PLSCR4: variants seen among roughly 807,000 people sequenced by gnomAD.
PLSCR4 encodes Ca(2+)-dependent phospholipid scramblase 4.
PLSCR4 carries 25 observed loss-of-function variants against 36.3 expected under a neutral mutation model. That is an observed-to-expected ratio of 0.69 (90% CI 0.50 to 0.96). PLSCR4 has a LOEUF of 0.96. PLSCR4 is among the 40% of genes least tolerant of loss of function. The probability of loss-of-function intolerance (pLI) is 0.00; values close to 1 mark genes in which losing one functional copy is unlikely to be tolerated. For synonymous variants in PLSCR4, 122 were observed against 132.9 expected (o/e 0.92, Z 0.56); for missense variants, 408 against 414.7 (o/e 0.98, Z 0.14).
At chr3:146,206,791 T>C in intron 3 of PLSCR4, 30 bp from the exon 4 acceptor site, 4 of 1,326,314 alleles carry the variant, frequency 3.0e-6, no homozygotes, top group East Asian at 2.6e-5. Context: ...AAGTGTTATA[T>C]ATTATTAACA....
At chr3:146,218,279 T>A (rs3828377) in intron 3 of PLSCR4, among the ~76,000 whole-genome samples, 50,545 of 151,862 alleles carry the variant, frequency 0.33, 9,080 homozygotes, top group South Asian at 0.45. Context: ...CTTCTTTTTT[T>A]AACTATTATT....
At chr3:146,202,080 T>A (rs2034076749) in intron 4 of PLSCR4, among the ~76,000 whole-genome samples, 1 of 151,974 alleles carries the variant, frequency 6.6e-6, no homozygotes, top group Non-Finnish European at 1.5e-5. Context: ...TGTGATTAAT[T>A]ACAGGAGGGT....
At chr3:146,195,334 T>C in intron 7 of PLSCR4, 52 bp from the exon 8 acceptor site, 2 of 1,393,262 alleles carry the variant, frequency 1.4e-6, no homozygotes, top group Non-Finnish European at 2.0e-6. Context: ...TTGAAGCATG[T>C]TTTAATGTTC....
At chr3:146,213,349 T>C (rs1489841942) in intron 3 of PLSCR4, among the ~76,000 whole-genome samples, 2 of 150,778 alleles carry the variant, frequency 1.3e-5, no homozygotes, top group African/African-American at 4.9e-5. Context: ...TTTTTTTTTT[T>C]TGTGATGTAG....
At chr3:146,241,267 T>G (rs1265581230) in intron 1 of PLSCR4, among the ~76,000 whole-genome samples, 3 of 152,206 alleles carry the variant, frequency 2.0e-5, no homozygotes, top group Non-Finnish European at 2.9e-5. Flanking sequence ...TTCACAACTC[T>G]GAATATACTA....
chr3:146,203,531 G>C (rs2034154290), intron 4 of PLSCR4, among the ~76,000 whole-genome samples: 2 of 152,010 alleles, frequency 1.3e-5, no homozygotes, highest in South Asian at 4.1e-4. Flanking sequence ...CTTCATCAAT[G>C]ATCTTGTTAT....
intron 6 of PLSCR4, among the ~76,000 whole-genome samples, chr3:146,197,721 G>C (rs567643702): frequency 2.6e-5 from 4 of 151,970 alleles, no homozygotes; most frequent in Non-Finnish European, 5.9e-5. Context: ...TTTGGTAAAA[G>C]CCCAAAGTGA....
rs115421102 is a variant in PLSCR4, at chr3:146,198,230, G to A, written c.625-1437C>T. ...ATAAAAGAGGACTTTGGTGATGATG[G>A]AACTGTTTGGGATTTGTATTGTGCT... On this transcript the variant is annotated intron_variant, in intron 6 of 8. Transcript: ENST00000354952. Among the ~76,000 whole-genome samples, 1,351 of 152,158 alleles carry A rather than the reference G, an allele frequency of 8.9e-3. 13 individuals carry two copies. The highest frequency in any genetic ancestry group is 0.041 in the Middle Eastern group (12 of 294).
intron 4 of PLSCR4, among the ~76,000 whole-genome samples, chr3:146,205,033 G>A (rs2034248329): frequency 6.6e-6 from 1 of 151,936 alleles, no homozygotes; most frequent in South Asian, 2.1e-4. Flanking sequence ...CAGCACACAA[G>A]ATTATCAGGG....
In PLSCR4 at chr3:146,206,765, T is replaced by C; in HGVS notation, c.119-4A>G. The stretch of plus-strand genomic sequence containing the variant: ...GGGACAGCTGTTCCAGGGGGTCCTG[T>C]GTTCAAAAGAAATCAAAGTGTTATA... On this transcript the variant is annotated splice_polypyrimidine_tract_variant and splice_region_variant and intron_variant, in intron 3 of 8. Transcript: ENST00000354952. 1.3e-6 allele frequency: 2 copies of C among 1,553,706 alleles called. No homozygotes were observed. The highest frequency in any genetic ancestry group is 3.8e-5 in the Admixed American group (2 of 51,992).
chr3:146,197,222 C>T (rs2108206150), intron 6 of PLSCR4, among the ~76,000 whole-genome samples: 1 of 152,204 alleles, frequency 6.6e-6, no homozygotes, highest in East Asian at 1.9e-4. Context: ...GGTTTCAAGG[C>T]TTACTGTTGA....
intron 1 of PLSCR4, among the ~76,000 whole-genome samples, chr3:146,240,722 G>C (rs1011784918): frequency 6.6e-6 from 1 of 151,968 alleles, no homozygotes. Context: ...TTCATATGTC[G>C]CTGAGGAATG....
At position 146,195,090 on chromosome 3, in the gene PLSCR4, C is replaced by T. The variant is rs368307599; in HGVS notation, c.945+34G>A. On this transcript the variant is annotated intron_variant, in intron 8 of 8. Coordinates refer to ENST00000354952, the MANE Select transcript of PLSCR4 (RefSeq NM_020353.3). Reference sequence around the variant, plus strand: ...ACTGCTTCTCCATCAGAAAGAACAACTCTCTCAGGATAACTCAAAAATAGA... The same window carrying T: ...ACTGCTTCTCCATCAGAAAGAACAATTCTCTCAGGATAACTCAAAAATAGA... The T allele has an allele frequency of 3.9e-5, 63 of 1,600,512 alleles. No individual in the cohort carries two copies. The African/African-American group carries it at 8.2e-4, about 21-fold the overall frequency.
intron 1 of PLSCR4, among the ~76,000 whole-genome samples, chr3:146,241,336 C>T (rs562954820): frequency 6.6e-6 from 1 of 152,152 alleles, no homozygotes; most frequent in South Asian, 2.1e-4. Flanking sequence ...AATTATGTCT[C>T]AACAAAGTCA....
At position 146,192,816 on chromosome 3, in the gene PLSCR4, T is replaced by G. The variant is rs539660697; in HGVS notation, c.*1595A>C. ...TTTTAGAAAGCAGCAACTTTTACTT[T>G]TTTTAAAAAAAAAAGCTAGTAGCAG... On this transcript the variant is annotated 3_prime_UTR_variant, in exon 9 of 9. Coordinates refer to ENST00000354952, the MANE Select transcript of PLSCR4 (RefSeq NM_020353.3). The G allele has an allele frequency of 1.4e-4, 22 of 151,784 alleles. No homozygotes were observed. Among genetic ancestry groups the G allele is most frequent in the African/African-American group, 5.1e-4 (21 of 41,288 alleles). The allele number at this position is 151,784 out of a possible 1,614,324, so 9.4% of individuals were successfully genotyped here. A position where few individuals can be genotyped will look rare whatever the true frequency, so the allele number is the denominator to read the frequency against.
At chr3:146,201,286 A>G (rs2034036516) in intron 4 of PLSCR4, among the ~76,000 whole-genome samples, 1 of 152,128 alleles carries the variant, frequency 6.6e-6, no homozygotes, top group African/African-American at 2.4e-5. Context: ...CCATATTAGA[A>G]AAACACTTTC....
At chr3:146,214,112 T>G (rs928885719) in intron 3 of PLSCR4, among the ~76,000 whole-genome samples, 6 of 147,408 alleles carry the variant, frequency 4.1e-5, no homozygotes, top group Non-Finnish European at 8.9e-5. Flanking sequence ...TGATTTGATA[T>G]CTTCCTTTTT....
rs2034206084 is a variant in PLSCR4, at chr3:146,204,362, CAT to C, written c.354+2162_354+2163del. Among the ~76,000 whole-genome samples the C allele has an allele frequency of 2.0e-5, 3 of 152,116 alleles. No individual in the cohort carries two copies. The South Asian group carries it at 6.2e-4, about 32-fold the overall frequency. On this transcript the variant is annotated intron_variant, in intron 4 of 8. Coordinates refer to ENST00000354952, the MANE Select transcript of PLSCR4 (RefSeq NM_020353.3). ...AAGCTAATAACAGCCACATAGCTTT[CAT>C]CCATTGGGACGGCCCTTTATGTCAA...
chr3:146,198,864 A>G (rs2033886389), intron 6 of PLSCR4, among the ~76,000 whole-genome samples: 1 of 152,200 alleles, frequency 6.6e-6, no homozygotes, highest in African/African-American at 2.4e-5. Flanking sequence ...TTCACATATA[A>G]GGCTGTTATC....
Sources: gnomAD v4.1 joint callset for allele counts (sites outside exome capture counted in the v4.1 genomes callset) on GRCh38, gnomAD v4.1.1 for gene constraint, MANE v1.5 for transcripts, NCBI Gene and HGNC (gene_info 2026-07-23, HGNC 2026-07-21) for gene names.